Variants in FAM107B observed in about 807,000 individuals in gnomAD.
FAM107B encodes protein FAM107B.
A neutral mutation model predicts 31.5 loss-of-function variants in FAM107B; 21 were observed. That is an observed-to-expected ratio of 0.67 (90% CI 0.47 to 0.96). FAM107B has a LOEUF of 0.96. Among genes scored for constraint, FAM107B ranks in the 40% least tolerant of loss-of-function variants. The pLI, the probability that FAM107B is intolerant of heterozygous loss-of-function variation, is 0.00. For synonymous variants in FAM107B, 157 were observed against 141.5 expected (o/e 1.11, Z -0.78); for missense variants, 452 against 377.1 (o/e 1.20, Z -1.64).
chr10:14,607,973 C>T (rs1852634494), intron 2 of FAM107B, among the ~76,000 whole-genome samples: 1 of 152,200 alleles, frequency 6.6e-6, no homozygotes, highest in Admixed American at 6.5e-5. Context: ...ATCTGGAGAT[C>T]TTGCAAATTC....
chr10:14,712,161 C>T (rs759223795), intron 1 of FAM107B, among the ~76,000 whole-genome samples: 1 of 152,102 alleles, frequency 6.6e-6, no homozygotes, highest in South Asian at 2.1e-4. Context: ...TTCGAAGGTA[C>T]AGAACTTAGG....
intron 1 of FAM107B, among the ~76,000 whole-genome samples, chr10:14,675,169 T>C (rs1333297985): frequency 1.3e-5 from 2 of 152,160 alleles, no homozygotes; most frequent in Non-Finnish European, 1.5e-5. Flanking sequence ...TGTTAAATCA[T>C]GGGGAAACAG....
At chr10:14,604,411 G>A (rs1408068082) in intron 2 of FAM107B, 3 of 209,346 alleles carry the variant, frequency 1.4e-5, no homozygotes, top group South Asian at 1.6e-4. Context: ...CGCTCCCCGC[G>A]GCCCCGCGCG....
At chr10:14,665,092 T>A (rs1416955907) in intron 2 of FAM107B, among the ~76,000 whole-genome samples, 2 of 152,184 alleles carry the variant, frequency 1.3e-5, no homozygotes, top group Non-Finnish European at 2.9e-5. Flanking sequence ...ACAACAGCAT[T>A]TTTAGGTGTT....
chr10:14,696,025 A>T (rs1855256647), intron 1 of FAM107B, among the ~76,000 whole-genome samples: 1 of 152,184 alleles, frequency 6.6e-6, no homozygotes. Flanking sequence ...GTCAAATAGA[A>T]GAAGTGAGAG....
intron 2 of FAM107B, among the ~76,000 whole-genome samples, chr10:14,584,588 A>T (rs1851762295): frequency 6.6e-6 from 1 of 152,168 alleles, no homozygotes; most frequent in African/African-American, 2.4e-5. Context: ...CCAAAAGAAA[A>T]CCAGGAACAC....
chr10:14,542,496 G>A (rs1467898528), intron 2 of FAM107B: 1 of 152,112 alleles, frequency 6.6e-6, no homozygotes, highest in Non-Finnish European at 1.5e-5. Context: ...CACAAAGGGA[G>A]GGCCTGACTC....
intron 1 of FAM107B, among the ~76,000 whole-genome samples, chr10:14,764,825 C>T (rs1833130201): frequency 6.6e-6 from 1 of 152,190 alleles, no homozygotes. Flanking sequence ...AACTGATGCA[C>T]AACTGCAAGT....
chr10:14,735,930 T>A (rs1400412091), intron 1 of FAM107B, among the ~76,000 whole-genome samples: 2 of 152,144 alleles, frequency 1.3e-5, no homozygotes, highest in East Asian at 1.9e-4. Flanking sequence ...CTATTATGTA[T>A]CTATTATGTT....
chr10:14,661,246 A>G (rs1192008727), intron 2 of FAM107B, among the ~76,000 whole-genome samples: 2 of 152,200 alleles, frequency 1.3e-5, no homozygotes, highest in Non-Finnish European at 2.9e-5. Flanking sequence ...CTAATTTACC[A>G]GAAAAGTGTG....
At chr10:14,557,712 T>C (rs1287506813) in intron 2 of FAM107B, among the ~76,000 whole-genome samples, 5 of 152,248 alleles carry the variant, frequency 3.3e-5, no homozygotes, top group African/African-American at 4.8e-5. Flanking sequence ...CATCTCAACC[T>C]TCACAACAGT....
chr10:14,650,720 A>G lies in FAM107B; in HGVS notation c.469+16914T>C, dbSNP rs544606244. On this transcript the variant is annotated intron_variant, in intron 2 of 4. Transcript: ENST00000181796. ...TGTTCTGTACTTACAGTTATGGTAA[A>G]CATTTTTATATCCTACTTCTTTCTA... 2.0e-5 allele frequency among the ~76,000 whole-genome samples: 3 copies of G among 152,344 alleles called. No homozygotes were observed. The South Asian group carries it at 6.2e-4, about 32-fold the overall frequency.
chr10:14,760,775 T>C (rs1353722975), intron 1 of FAM107B, among the ~76,000 whole-genome samples: 1 of 151,926 alleles, frequency 6.6e-6, no homozygotes, highest in African/African-American at 2.4e-5. Context: ...TATATTACAG[T>C]TCCAGGTGGG....
rs565835423 is a variant in FAM107B, at chr10:14,761,011, CAAAAAAAAAAA to C, written c.411+13231_411+13241del. 5.0e-3 allele frequency among the ~76,000 whole-genome samples: 391 copies of C among 77,646 alleles called. 3 individuals are homozygous for C. Among genetic ancestry groups the C allele is most frequent in the South Asian group, 7.0e-3 (14 of 1,990 alleles). 50.9% of individuals were successfully genotyped at this position (77,646 alleles called of 152,430 possible). ...TGGGCGACAGAGCAAGACTCCGTTTCAAAAAAAAAAAAAAAAAAAAAAAAAGAAAGACATAT... is the reference window on the plus strand; with the variant it reads ...TGGGCGACAGAGCAAGACTCCGTTTCAAAAAAAAAAAAAAGAAAGACATAT... On this transcript the variant is annotated intron_variant, in intron 1 of 4. Coordinates refer to ENST00000181796, the MANE Select transcript of FAM107B (RefSeq NM_031453.4).
At chr10:14,662,625 T>C (rs1854276180) in intron 2 of FAM107B, among the ~76,000 whole-genome samples, 2 of 152,102 alleles carry the variant, frequency 1.3e-5, no homozygotes, top group African/African-American at 4.8e-5. Flanking sequence ...TTGTTGATGT[T>C]TAAAATCCCT....
chr10:14,533,498 G>A (rs757158131), intron 2 of FAM107B, among the ~76,000 whole-genome samples: 24 of 152,294 alleles, frequency 1.6e-4, no homozygotes, highest in African/African-American at 3.1e-4. Flanking sequence ...TGCAGCCAGC[G>A]CTCAAGCCTG....
chr10:14,590,530 C>T (rs1057044965), intron 2 of FAM107B, among the ~76,000 whole-genome samples: 1 of 152,192 alleles, frequency 6.6e-6, no homozygotes, highest in African/African-American at 2.4e-5. Context: ...AGTATGTCAC[C>T]GTGCAGCCTG....
chr10:14,546,335 C>G (rs1354232551), intron 2 of FAM107B, among the ~76,000 whole-genome samples: 1 of 152,244 alleles, frequency 6.6e-6, no homozygotes, highest in Non-Finnish European at 1.5e-5. Context: ...TGCAAATTTT[C>G]TAAATTGACT....
At chr10:14,545,078 G>A (rs1459772786) in intron 2 of FAM107B, among the ~76,000 whole-genome samples, 1 of 152,106 alleles carries the variant, frequency 6.6e-6, no homozygotes, top group African/African-American at 2.4e-5. Flanking sequence ...TTTGCTAAGT[G>A]TCACATAACC....
Sources: gnomAD v4.1 joint callset for allele counts (sites outside exome capture counted in the v4.1 genomes callset) on GRCh38, gnomAD v4.1.1 for gene constraint, MANE v1.5 for transcripts, NCBI Gene and HGNC (gene_info 2026-07-23, HGNC 2026-07-21) for gene names.